Variants in MBNL3 observed in about 807,000 individuals in gnomAD.
The protein encoded by MBNL3 is muscleblind-like protein 3.
Under a neutral mutation model 24.5 loss-of-function variants are expected in MBNL3, and 6 were observed. The observed-to-expected ratio is 0.25, with a 90% CI of 0.13 to 0.48. The LOEUF (loss-of-function observed/expected upper bound fraction) is 0.48, where lower values mean the gene tolerates loss of function less well. Ranked by LOEUF, MBNL3 falls within the 20% of genes least tolerant of loss-of-function variation. The pLI, the probability that MBNL3 is intolerant of heterozygous loss-of-function variation, is 0.99. For synonymous variants in MBNL3, 100 were observed against 101.7 expected, an observed-to-expected ratio of 0.98 and a Z score of 0.10; for missense variants, 230 against 293.5, an observed-to-expected ratio of 0.78 and a Z score of 1.58.
intron 2 of MBNL3, among the ~76,000 whole-genome samples, chrX:132,411,980 C>A (rs376763312): frequency 1.8e-5 from 2 of 111,811 alleles, no homozygotes; most frequent in Non-Finnish European, 3.8e-5. Context: ...TTTCTTCTCC[C>A]TCCAAGAAGA....
intron 1 of MBNL3, among the ~76,000 whole-genome samples, chrX:132,463,628 T>C (rs1308077727): frequency 9.0e-6 from 1 of 111,723 alleles, no homozygotes; most frequent in Admixed American, 9.5e-5. Flanking sequence ...TAGTGGCAGA[T>C]AACAGAATTG....
At chrX:132,410,186 G>T (rs989514586) in intron 2 of MBNL3, among the ~76,000 whole-genome samples, 2 of 111,802 alleles carry the variant, frequency 1.8e-5, no homozygotes, top group African/African-American at 6.5e-5. Context: ...CTACCTTCAG[G>T]CTTCTCCCAA....
intron 2 of MBNL3, among the ~76,000 whole-genome samples, chrX:132,424,357 A>G (rs956107223): frequency 8.9e-6 from 1 of 111,744 alleles, no homozygotes; most frequent in Non-Finnish European, 1.9e-5. Flanking sequence ...TGGGGGACCT[A>G]GGACTTGACG....
intron 2 of MBNL3, among the ~76,000 whole-genome samples, chrX:132,409,190 G>A (rs373670639): frequency 8.6e-4 from 97 of 112,226 alleles, no homozygotes; most frequent in African/African-American, 2.9e-3. Flanking sequence ...TCTTCAAGAG[G>A]CCCAAACGTA....
chrX:132,421,295 T>C (rs1240661263), intron 2 of MBNL3, among the ~76,000 whole-genome samples: 1 of 112,152 alleles, frequency 8.9e-6, no homozygotes. Context: ...TGACAGATTA[T>C]AACTACTTTA....
intron 2 of MBNL3, among the ~76,000 whole-genome samples, chrX:132,415,480 C>T (rs1943208564): frequency 8.9e-6 from 1 of 111,848 alleles, no homozygotes; most frequent in African/African-American, 3.3e-5. Flanking sequence ...GTCTTTATAA[C>T]CAGCCACATA....
At chrX:132,429,318 A>C (rs1027559921) in intron 2 of MBNL3, among the ~76,000 whole-genome samples, 1 of 112,193 alleles carries the variant, frequency 8.9e-6, no homozygotes, top group Non-Finnish European at 1.9e-5. Context: ...TCAGACATCA[A>C]TGAGTTTCAT....
In MBNL3 at chrX:132,378,905, T is replaced by A. The variant is rs1222317575; in HGVS notation, c.*761A>T. ...GGTAATTATTTCTCTCTTTAAAAAATCTAGTAATTTGATTGTATTATGCAA... is the reference window on the plus strand; with the variant it reads ...GGTAATTATTTCTCTCTTTAAAAAAACTAGTAATTTGATTGTATTATGCAA... On this transcript the variant is annotated 3_prime_UTR_variant, in exon 9 of 9. Coordinates refer to ENST00000370853, the MANE Select transcript of MBNL3 (RefSeq NM_001386889.1). The A allele has an allele frequency of 8.9e-6, 1 of 112,273 alleles. No individual in the cohort carries two copies. Among genetic ancestry groups the A allele is most frequent in the Admixed American group, 9.5e-5 (1 of 10,567 alleles). The allele number at this position is 112,273 out of a possible 1,213,427, so 9.3% of individuals were successfully genotyped here.
At position 132,440,107 on chromosome X, in the gene MBNL3, A is replaced by T. The variant is rs755864567; in HGVS notation, c.-496T>A. Among the ~76,000 whole-genome samples the T allele has an allele frequency of 1.4e-4, 16 of 111,047 alleles. No homozygotes were observed. In the East Asian group the frequency reaches 4.5e-3, roughly 31 times the overall value. On this transcript the variant is annotated 5_prime_UTR_variant, in exon 2 of 9. Coordinates refer to ENST00000370853, the MANE Select transcript of MBNL3 (RefSeq NM_001386889.1). The stretch of plus-strand genomic sequence containing the variant: ...GAACCCAAAAAAAGTTTCGTTGCAA[A>T]ATCAAGTGGAGGGAAAATGACTAAG...
At position 132,375,422 on chromosome X, in the gene MBNL3, T is replaced by G. The variant is rs1281990495; in HGVS notation, c.*4244A>C. 1 of 111,345 alleles carries G rather than the reference T, an allele frequency of 9.0e-6. No individual in the cohort carries two copies. Among genetic ancestry groups the G allele is most frequent in the Non-Finnish European group, 1.9e-5 (1 of 52,882 alleles). The allele number at this position is 111,345 out of a possible 1,213,427, so 9.2% of individuals were successfully genotyped here. A position where few individuals can be genotyped will look rare whatever the true frequency, so the allele number is the denominator to read the frequency against. On this transcript the variant is annotated 3_prime_UTR_variant, in exon 9 of 9. Coordinates refer to ENST00000370853, the MANE Select transcript of MBNL3 (RefSeq NM_001386889.1). ...AATCCATGCAGTAAAAGCTTAAACTTTCTTTAACTTTCCTTTGAAATTAAA... is the reference window on the plus strand; with the variant it reads ...AATCCATGCAGTAAAAGCTTAAACTGTCTTTAACTTTCCTTTGAAATTAAA...
chrX:132,424,311 C>G (rs1188897562), intron 2 of MBNL3, among the ~76,000 whole-genome samples: 2 of 112,096 alleles, frequency 1.8e-5, no homozygotes, highest in Non-Finnish European at 3.8e-5. Context: ...CAAATCTTCT[C>G]TCTCCCATAA....
intron 2 of MBNL3, among the ~76,000 whole-genome samples, chrX:132,437,280 A>C (rs1044231969): frequency 9.0e-6 from 1 of 111,538 alleles, no homozygotes; most frequent in East Asian, 2.8e-4. Flanking sequence ...CCATAAAAAC[A>C]GTTATACTTA....
At chrX:132,461,114 G>C (rs1363976378) in intron 1 of MBNL3, among the ~76,000 whole-genome samples, 1 of 111,599 alleles carries the variant, frequency 9.0e-6, no homozygotes, top group Non-Finnish European at 1.9e-5. Context: ...AAGCCATCAA[G>C]GTCCTTATAT....
chrX:132,391,120 C>T (rs1359923698), intron 4 of MBNL3, 37 bp from the exon 5 acceptor site: 7 of 1,057,603 alleles, frequency 6.6e-6, no homozygotes, highest in Non-Finnish European at 9.2e-6. Flanking sequence ...ACGCATCACA[C>T]TGATGACTGG....
Position 132,386,757 on chromosome X carries a change from G to A in MBNL3, c.826C>T (p.Pro276Ser). 8.3e-7 allele frequency: 1 copy of A among 1,211,135 alleles called. No homozygotes were observed. The highest frequency in any genetic ancestry group is 1.1e-6 in the Non-Finnish European group (1 of 895,299). The change falls in exon 6 of 9, where the codon CCC becomes TCC. Residue 276 changes from proline (P) to serine (S), a missense_variant. By Grantham distance (74) the Pro-to-Ser change is moderately conservative. Transcript: ENST00000370853. The stretch of plus-strand genomic sequence containing the variant: ...TTAAAGACCGGGGTGGCACCATTGG[G>A]CTTTTCCAGTGCTGATCTCTTTGGT... Reference protein sequence around the residue: ...LIPKRSALEKPNGATPVFNPT... With the variant: ...LIPKRSALEKSNGATPVFNPT...
Position 132,392,278 on chromosome X carries a change from A to G in MBNL3, c.399T>C (p.Pro133=), listed in dbSNP as rs768684587. Residue 133 remains proline (P), a synonymous_variant, in exon 4 of 9, where the codon CCT becomes CCC. Coordinates refer to ENST00000370853, the MANE Select transcript of MBNL3 (RefSeq NM_001386889.1). ...GGCCCATCCCAGGATGTGGTATGTA[A>G]GGATTGAAAGCCATGGGAGGATTAG... The part of the protein sequence containing the change: ...IPANPPMAFN[P]YIPHPGMGLV... 1 of 1,208,035 alleles carries G rather than the reference A, an allele frequency of 8.3e-7. No homozygotes were observed. The highest frequency in any genetic ancestry group is 1.8e-5 in the African/African-American group (1 of 57,045).
chrX:132,373,887 T>A lies in MBNL3; in HGVS notation c.*5779A>T, dbSNP rs184419490. ...TGGCACAGTTAACTACTTTGTAATC[T>A]GGTAAAGGTAGGTCAAAAAACAGCT... On this transcript the variant is annotated 3_prime_UTR_variant, in exon 9 of 9. Coordinates refer to ENST00000370853, the MANE Select transcript of MBNL3 (RefSeq NM_001386889.1). The A allele has an allele frequency of 9.0e-6, 1 of 111,675 alleles. No individual in the cohort carries two copies. The highest frequency in any genetic ancestry group is 1.9e-5 in the Non-Finnish European group (1 of 52,951). The allele number at this position is 111,675 out of a possible 1,213,427, so 9.2% of individuals were successfully genotyped here.
At chrX:132,436,806 C>T (rs151280670) in intron 2 of MBNL3, among the ~76,000 whole-genome samples, 1,369 of 111,754 alleles carry the variant, frequency 0.012, 25 homozygotes, top group African/African-American at 0.043. Flanking sequence ...ATCTAAATGG[C>T]AAATTAAGTA....
intron 1 of MBNL3, among the ~76,000 whole-genome samples, chrX:132,471,553 G>T (rs1297239423): frequency 8.9e-6 from 1 of 112,585 alleles, no homozygotes; most frequent in Non-Finnish European, 1.9e-5. Flanking sequence ...AAGCGTGGTG[G>T]CACATGCCTC....
Sources: allele counts gnomAD v4.1 joint callset (sites outside exome capture counted in the v4.1 genomes callset), GRCh38; gene constraint gnomAD v4.1.1; transcripts MANE v1.5; gene names NCBI Gene and HGNC (gene_info 2026-07-23, HGNC 2026-07-21).